FRMD4A: variants seen among roughly 807,000 people sequenced by gnomAD.
FRMD4A encodes FERM domain containing 4A, also known as FERM domain-containing protein 4A.
Under a neutral mutation model 129.1 loss-of-function variants are expected in FRMD4A, and 29 were observed. The observed-to-expected ratio is 0.22, with a 90% CI of 0.17 to 0.31. The LOEUF (loss-of-function observed/expected upper bound fraction) is 0.31. Among genes scored for constraint, FRMD4A ranks in the 10% least tolerant of loss-of-function variants. FRMD4A has a pLI of 1.00. For synonymous variants in FRMD4A, 634 were observed against 571.6 expected, an observed-to-expected ratio of 1.11 and a Z score of -1.56; for missense variants, 1,272 against 1,375.8, an observed-to-expected ratio of 0.92 and a Z score of 1.19.
At chr10:13,885,843 G>A (rs940033474) in intron 2 of FRMD4A, among the ~76,000 whole-genome samples, 2 of 152,116 alleles carry the variant, frequency 1.3e-5, no homozygotes, top group Admixed American at 6.5e-5. Flanking sequence ...TGAGAAGGCC[G>A]AACACTGCTC....
chr10:13,700,883 G>C lies in FRMD4A; in HGVS notation c.975+457C>G, dbSNP rs145467278. 6.1e-3 allele frequency among the ~76,000 whole-genome samples: 732 copies of C among 119,648 alleles called. 6 individuals carry two copies. The highest frequency in any genetic ancestry group is 0.022 in the Middle Eastern group (3 of 136). 78.5% of individuals were successfully genotyped at this position (119,648 alleles called of 152,430 possible). A position where few individuals can be genotyped will look rare whatever the true frequency, so the allele number is the denominator to read the frequency against. On this transcript the variant is annotated intron_variant, in intron 14 of 24. Transcript: ENST00000357447. ...TTTGCATTAAAAAAAAAAAAATGGA[G>C]TTGGCAGTTGGAACCGCCTGAGGGT...
rs1042686693 is a variant in FRMD4A at position 13,646,407 on chromosome 10, C to G, written c.*631G>C. ...GGTGTCGAGAACTTCCTTTCTCAAC[C>G]TCCCCTTCCCCCATAGCCATCCCCA... is the stretch of plus-strand genomic sequence containing the variant. On this transcript the variant is annotated 3_prime_UTR_variant, in exon 25 of 25. Coordinates refer to ENST00000357447, the MANE Select transcript of FRMD4A (RefSeq NM_018027.5). The G allele has an allele frequency of 1.3e-5, 2 of 152,554 alleles. No homozygotes were observed. Among genetic ancestry groups the G allele is most frequent in the Non-Finnish European group, 2.9e-5 (2 of 68,054 alleles). The allele number at this position is 152,554 out of a possible 1,614,324, so 9.5% of individuals were successfully genotyped here.
In FRMD4A at chr10:13,884,196, TCACACACACA is replaced by T. The variant is rs1564971568; in HGVS notation, c.46-25294_46-25285del. On this transcript the variant is annotated intron_variant, in intron 2 of 24. Coordinates refer to ENST00000357447, the MANE Select transcript of FRMD4A (RefSeq NM_018027.5). ...CACACTCACACACACACACACACACTCACACACACACTCACACACACACACACACACACAC... is the reference window on the plus strand; with the variant it reads ...CACACTCACACACACACACACACACTCTCACACACACACACACACACACAC... Among the ~76,000 whole-genome samples the T allele has an allele frequency of 2.3e-4, 25 of 108,588 alleles. 1 individual carries two copies. Among genetic ancestry groups the T allele is most frequent in the Non-Finnish European group, 3.0e-4 (16 of 53,512 alleles). The allele number at this position is 108,588 out of a possible 152,430, so 71.2% of individuals were successfully genotyped here.
At chr10:13,684,248 C>A (rs556133812) in intron 15 of FRMD4A, 9 of 826,456 alleles carry the variant, frequency 1.1e-5, no homozygotes, top group Non-Finnish European at 1.3e-5. Context: ...ATCTGGCCAA[C>A]GAGGAAGACA....
intron 5 of FRMD4A, among the ~76,000 whole-genome samples, chr10:13,788,779 G>C (rs1250818696): frequency 1.3e-5 from 2 of 152,284 alleles, no homozygotes; most frequent in East Asian, 3.9e-4. Context: ...GTGTTTATGT[G>C]TTTGAGCTTA....
intron 2 of FRMD4A, among the ~76,000 whole-genome samples, chr10:14,271,790 A>G (rs1332422782): frequency 1.3e-5 from 2 of 152,186 alleles, no homozygotes; most frequent in African/African-American, 4.8e-5. Context: ...TGCTGACCTG[A>G]AGCATGATTT....
At chr10:13,795,237 T>A (rs534319220) in intron 5 of FRMD4A, among the ~76,000 whole-genome samples, 1 of 152,240 alleles carries the variant, frequency 6.6e-6, no homozygotes, top group African/African-American at 2.4e-5. Context: ...ATTTGCTTTA[T>A]ATGGTTGCTT....
chr10:13,815,631 A>G lies in FRMD4A; in HGVS notation c.112-4723T>C, dbSNP rs12246523. ...TGATAGTTTCAAAGCCCACATGTGT[A>G]ATCCCTCTGCCACTCTACCTCTGTT... is the stretch of plus-strand genomic sequence containing the variant. On this transcript the variant is annotated intron_variant, in intron 3 of 24. Transcript: ENST00000357447. Among the ~76,000 whole-genome samples the G allele has an allele frequency of 5.1e-3, 770 of 152,300 alleles. 5 individuals carry two copies. The highest frequency in any genetic ancestry group is 0.018 in the African/African-American group (728 of 41,576).
intron 2 of FRMD4A, among the ~76,000 whole-genome samples, chr10:13,902,821 C>G (rs1435158830): frequency 2.9e-5 from 4 of 137,936 alleles, no homozygotes; most frequent in Non-Finnish European, 6.1e-5. Context: ...GCCTGGATGA[C>G]AGAGTGAGAT....
intron 2 of FRMD4A, among the ~76,000 whole-genome samples, chr10:14,245,860 G>A (rs767352889): frequency 6.6e-6 from 1 of 152,116 alleles, no homozygotes; most frequent in Non-Finnish European, 1.5e-5. Context: ...GGCAGCCCAA[G>A]CAAACTCATA....
chr10:13,861,781 G>A (rs1358926698), intron 2 of FRMD4A, among the ~76,000 whole-genome samples: 4 of 152,134 alleles, frequency 2.6e-5, no homozygotes, highest in African/African-American at 9.7e-5. Flanking sequence ...CATCTTCACT[G>A]ATTGACTTAA....
At chr10:13,934,494 C>G (rs1217229130) in intron 2 of FRMD4A, among the ~76,000 whole-genome samples, 1 of 151,640 alleles carries the variant, frequency 6.6e-6, no homozygotes, top group Non-Finnish European at 1.5e-5. Flanking sequence ...AATGGAGATG[C>G]TGGCTGTCCT....
At chr10:13,985,018 G>A (rs545111213) in intron 2 of FRMD4A, among the ~76,000 whole-genome samples, 4 of 152,364 alleles carry the variant, frequency 2.6e-5, no homozygotes, top group East Asian at 3.9e-4. Flanking sequence ...AGGCAGGGAC[G>A]CTGCCCACAG....
intron 2 of FRMD4A, chr10:13,991,820 T>C (rs1011750138): frequency 6.6e-6 from 1 of 152,476 alleles, no homozygotes; most frequent in African/African-American, 2.4e-5. Flanking sequence ...GCACAAAATA[T>C]GTGCACATAT....
rs556288482 is a variant in FRMD4A, at chr10:14,064,430, G to A, written c.46-205518C>T. On this transcript the variant is annotated intron_variant, in intron 2 of 24. Coordinates refer to ENST00000357447, the MANE Select transcript of FRMD4A (RefSeq NM_018027.5). ...TCAAATTCTTCCACTCCACATTGCC[G>A]TGGCCACCTGAGGGGAAGGCTTTGG... 8.3e-4 allele frequency among the ~76,000 whole-genome samples: 127 copies of A among 152,246 alleles called. 2 individuals carry two copies. The highest frequency in any genetic ancestry group is 5.2e-3 in the East Asian group (27 of 5,184).
chr10:13,654,030 T>G (rs1373840672), intron 23 of FRMD4A: 1 of 383,660 alleles, frequency 2.6e-6, no homozygotes, highest in Non-Finnish European at 4.6e-6. Flanking sequence ...CCAGTGTATT[T>G]GCTGTCTTCA....
chr10:13,701,638 C>T (rs943593343), intron 13 of FRMD4A, among the ~76,000 whole-genome samples, 160 bp from the exon 14 acceptor site: 1 of 152,168 alleles, frequency 6.6e-6, no homozygotes, highest in Non-Finnish European at 1.5e-5. Flanking sequence ...CACACACATG[C>T]GCACACAGCT....
At chr10:13,650,561 C>T (rs765997230) in intron 24 of FRMD4A, among the ~76,000 whole-genome samples, 10 of 152,124 alleles carry the variant, frequency 6.6e-5, no homozygotes, top group East Asian at 1.9e-4. Flanking sequence ...CCTCCCATAC[C>T]GGGGGAGAAA....
chr10:14,125,843 C>T (rs943364), intron 2 of FRMD4A, among the ~76,000 whole-genome samples: 40,174 of 150,234 alleles, frequency 0.27, 6,302 homozygotes, highest in East Asian at 0.52. Context: ...AGTCTGCTAC[C>T]AGGAGGAATG....
Sources: gnomAD v4.1 joint callset for allele counts (sites outside exome capture counted in the v4.1 genomes callset) on GRCh38, gnomAD v4.1.1 for gene constraint, MANE v1.5 for transcripts, NCBI Gene and HGNC (gene_info 2026-07-23, HGNC 2026-07-21) for gene names.